Variants in WBP2NL observed in about 807,000 individuals in gnomAD.
The protein encoded by WBP2NL is postacrosomal sheath WW domain-binding protein.
WBP2NL carries 27 observed loss-of-function variants against 23.3 expected under a neutral mutation model. The observed-to-expected ratio is 1.16, with a 90% CI of 0.85 to 1.60. The LOEUF is 1.60. Among genes scored for constraint, WBP2NL ranks in the 40% most tolerant of loss-of-function variants. WBP2NL has a pLI of 0.00. For synonymous variants in WBP2NL, 151 were observed against 145.9 expected, an observed-to-expected ratio of 1.03 and a Z score of -0.25; for missense variants, 370 against 389.5, an observed-to-expected ratio of 0.95 and a Z score of 0.42.
At chr22:42,047,883 A>G (rs1228054930) in intron 8 of WBP2NL, among the ~76,000 whole-genome samples, 2 of 151,534 alleles carry the variant, frequency 1.3e-5, no homozygotes, top group South Asian at 2.1e-4. Flanking sequence ...CGGCCTCCCA[A>G]AGTGCTGGGA....
At chr22:41,999,556 C>T (rs1193251831) in intron 1 of WBP2NL, among the ~76,000 whole-genome samples, 1 of 152,140 alleles carries the variant, frequency 6.6e-6, no homozygotes, top group African/African-American at 2.4e-5. Flanking sequence ...GCTGAGGTGG[C>T]CCAGGAGTTT....
intron 1 of WBP2NL, among the ~76,000 whole-genome samples, chr22:42,000,783 A>AC (rs1306060401): frequency 6.6e-6 from 1 of 151,750 alleles, no homozygotes; most frequent in East Asian, 1.9e-4. Flanking sequence ...AAAAAAAAAA[A>AC]AAACAGCCGG....
chr22:41,999,217 C>G (rs1487706872), intron 1 of WBP2NL, among the ~76,000 whole-genome samples: 1 of 152,220 alleles, frequency 6.6e-6, no homozygotes, highest in Non-Finnish European at 1.5e-5. Context: ...AGCTGACCGG[C>G]GGTTGTGAGC....
intron 8 of WBP2NL, among the ~76,000 whole-genome samples, chr22:42,049,734 G>C (rs1416407623): frequency 9.6e-6 from 1 of 104,348 alleles, no homozygotes; most frequent in Non-Finnish European, 2.0e-5. Flanking sequence ...AAAAAAAATA[G>C]AACATTTTGG....
At chr22:42,053,282 T>G (rs780547624) in intron 8 of WBP2NL, among the ~76,000 whole-genome samples, 1 of 152,212 alleles carries the variant, frequency 6.6e-6, no homozygotes, top group Non-Finnish European at 1.5e-5. Context: ...CTATGAACAT[T>G]CACATACAAG....
At chr22:42,036,889 AT>A (rs1925200648), downstream of WBP2NL, among the ~76,000 whole-genome samples, 1 of 151,916 alleles carries the variant, frequency 6.6e-6, no homozygotes, top group Non-Finnish European at 1.5e-5. Flanking sequence ...TTGCCTTTTC[AT>A]TTTTTGGATT....
downstream of WBP2NL, among the ~76,000 whole-genome samples, chr22:42,033,201 G>A (rs989664963): frequency 1.3e-5 from 2 of 152,168 alleles, no homozygotes; most frequent in African/African-American, 4.8e-5. Flanking sequence ...CCAGGTACCA[G>A]CATGGGCACC....
At chr22:42,036,517 C>T (rs1925188461), downstream of WBP2NL, among the ~76,000 whole-genome samples, 1 of 152,180 alleles carries the variant, frequency 6.6e-6, no homozygotes, top group Non-Finnish European at 1.5e-5. Flanking sequence ...ATACTTTTTC[C>T]ATAATGGCTG....
At chr22:42,021,812 C>T (rs1924006897) in intron 4 of WBP2NL, among the ~76,000 whole-genome samples, 1 of 126,164 alleles carries the variant, frequency 7.9e-6, no homozygotes, top group African/African-American at 3.2e-5. Flanking sequence ...TTTTTTGAGA[C>T]AAGGTCTTAC....
Position 42,028,091 on chromosome 22 carries a change from A to C in WBP2NL, c.*910A>C. The C allele has an allele frequency of 5.0e-6, 2 of 398,516 alleles. No individual in the cohort carries two copies. Among genetic ancestry groups the C allele is most frequent in the Non-Finnish European group, 8.8e-6 (2 of 226,018 alleles). 24.7% of individuals were successfully genotyped at this position (398,516 alleles called of 1,614,324 possible). On this transcript the variant is annotated 3_prime_UTR_variant, in exon 6 of 6. Transcript: ENST00000328823. ...ATGTGTGCACAAAGATGCATGTGGG[A>C]AGATTTCATTATATTCATTGTTTCT... is the stretch of plus-strand genomic sequence containing the variant.
At chr22:42,022,027 T>A (rs781253174) in intron 4 of WBP2NL, among the ~76,000 whole-genome samples, 4 of 152,082 alleles carry the variant, frequency 2.6e-5, no homozygotes, top group Non-Finnish European at 4.4e-5. Context: ...CTTGAACTCC[T>A]GGGGTCAAGC....
chr22:42,035,792 AC>A (rs1925160682), downstream of WBP2NL, among the ~76,000 whole-genome samples: 3 of 152,118 alleles, frequency 2.0e-5, no homozygotes, highest in Non-Finnish European at 4.4e-5. Context: ...CCATTTTTAT[AC>A]CCTTTGACCA....
intron 8 of WBP2NL, among the ~76,000 whole-genome samples, chr22:42,057,899 ATATTTTTTTTTTTTTT>A (rs1210599120): frequency 5.2e-5 from 1 of 19,322 alleles, no homozygotes; most frequent in African/African-American, 2.3e-4. Context: ...ATATATATAT[ATATTTTTTTTTTTTTT>A]TTTTTTTTTT....
chr22:42,012,927 G>A (rs1419893381), intron 1 of WBP2NL, among the ~76,000 whole-genome samples: 4 of 151,852 alleles, frequency 2.6e-5, no homozygotes, highest in South Asian at 2.1e-4. Context: ...AGGAGGTGGA[G>A]GTTGCAGTGA....
downstream of WBP2NL, chr22:42,031,648 C>T (rs1340162031): frequency 6.6e-6 from 1 of 152,034 alleles, no homozygotes; most frequent in Non-Finnish European, 1.5e-5. Context: ...GGCTCAGCTA[C>T]CCTGAGATAT....
intron 8 of WBP2NL, among the ~76,000 whole-genome samples, chr22:42,049,695 CAAAACAAAACAAAAAA>C (rs1381188885): frequency 0.26 from 5,873 of 22,402 alleles, 41 homozygotes; most frequent in Non-Finnish European, 0.34. Context: ...GTCTCCAAAA[CAAAACAAAACAAAAAA>C]AAAAAAAAAA....
intron 1 of WBP2NL, among the ~76,000 whole-genome samples, chr22:42,018,134 A>G (rs972391977): frequency 6.9e-6 from 1 of 144,170 alleles, no homozygotes; most frequent in Non-Finnish European, 1.5e-5. Context: ...GGGGGACAAG[A>G]GCAAGACTTC....
At chr22:42,029,792 C>T (rs768281477), downstream of WBP2NL, 1 of 152,180 alleles carries the variant, frequency 6.6e-6, no homozygotes, top group African/African-American at 2.4e-5. Flanking sequence ...ACATAATATT[C>T]TGTGACACAG....
intron 8 of WBP2NL, among the ~76,000 whole-genome samples, chr22:42,056,669 C>T (rs941404544): frequency 6.6e-6 from 1 of 152,052 alleles, no homozygotes; most frequent in Admixed American, 6.5e-5. Context: ...CTTTTTCTTT[C>T]AACACTTTGA....
Sources: gnomAD v4.1 joint callset for allele counts (sites outside exome capture counted in the v4.1 genomes callset) on GRCh38, gnomAD v4.1.1 for gene constraint, MANE v1.5 for transcripts, NCBI Gene and HGNC (gene_info 2026-07-23, HGNC 2026-07-21) for gene names.